WARS2: variants seen among roughly 807,000 people sequenced by gnomAD.
WARS2 encodes tryptophanyl tRNA synthetase 2, mitochondrial.
WARS2 carries 28 observed loss-of-function variants against 36.5 expected under a neutral mutation model. The ratio of observed to expected loss-of-function variants is 0.77; its 90% CI spans 0.57 to 1.05. The LOEUF (loss-of-function observed/expected upper bound fraction) is 1.05, where lower values mean the gene tolerates loss of function less well. WARS2 is among the 50% of genes least tolerant of loss of function. WARS2 has a pLI of 0.00. For missense variants in WARS2, 435 were observed against 456.8 expected (o/e 0.95, Z 0.44); for synonymous variants, 174 against 178.4 (o/e 0.98, Z 0.20).
intron 1 of WARS2, among the ~76,000 whole-genome samples, chr1:119,121,589 AGACTAG>A (rs1427454162): frequency 6.6e-6 from 1 of 152,188 alleles, no homozygotes; most frequent in Non-Finnish European, 1.5e-5. Flanking sequence ...AGCCAAAGCA[AGACTAG>A]GCAAAAAGAA....
intron 1 of WARS2, chr1:119,127,109 G>C: frequency 1.4e-6 from 1 of 734,454 alleles, no homozygotes; most frequent in East Asian, 2.5e-5. Flanking sequence ...AACCCTCAAA[G>C]CCATCAGATG....
intron 1 of WARS2, among the ~76,000 whole-genome samples, chr1:119,133,147 CAT>C (rs775153218): frequency 2.6e-5 from 4 of 152,262 alleles, no homozygotes; most frequent in African/African-American, 7.2e-5. Flanking sequence ...CCTTGGGACT[CAT>C]GTGTTAAAAG....
chr1:119,100,086 C>T (rs766972821), intron 1 of WARS2, among the ~76,000 whole-genome samples: 3 of 152,124 alleles, frequency 2.0e-5, no homozygotes, highest in African/African-American at 4.8e-5. Flanking sequence ...ATACAAGGAA[C>T]TCAGCTCAAC....
chr1:119,126,966 C>T lies in WARS2; in HGVS notation c.90+13589G>A. 6 of 734,410 alleles carry T rather than the reference C, an allele frequency of 8.2e-6. No individual in the cohort carries two copies. In the South Asian group the frequency reaches 8.4e-5, roughly 10 times the overall value. 45.5% of individuals were successfully genotyped at this position (734,410 alleles called of 1,614,324 possible). ...TCTGCCATTTTTTGATCATGGAACA[C>T]ATTTTGTCATGGGTAAGATCCATGC... is the stretch of plus-strand genomic sequence containing the variant. On this transcript the variant is annotated intron_variant, in intron 1 of 5. Coordinates refer to ENST00000235521, the MANE Select transcript of WARS2 (RefSeq NM_015836.4).
intron 4 of WARS2, among the ~76,000 whole-genome samples, chr1:119,035,943 C>A (rs188885382): frequency 1.3e-5 from 2 of 152,176 alleles, no homozygotes; most frequent in African/African-American, 4.8e-5. Context: ...CATTGGCTCA[C>A]GCTTGTAATG....
At chr1:119,128,163 C>T (rs188317389) in intron 1 of WARS2, among the ~76,000 whole-genome samples, 2 of 152,178 alleles carry the variant, frequency 1.3e-5, no homozygotes, top group East Asian at 1.9e-4. Context: ...CAACCTCCGC[C>T]TCCTGGGTTC....
chr1:119,135,162 T>G (rs1044801895), intron 1 of WARS2, among the ~76,000 whole-genome samples: 19 of 152,236 alleles, frequency 1.2e-4, no homozygotes, highest in African/African-American at 4.3e-4. Flanking sequence ...ACGGTGCAGC[T>G]CCTTAAAAAT....
intron 1 of WARS2, among the ~76,000 whole-genome samples, chr1:119,095,432 C>CT (rs1050769679): frequency 2.6e-5 from 4 of 151,376 alleles, no homozygotes; most frequent in East Asian, 1.9e-4. Context: ...CAAAAGACTT[C>CT]TTTTTTTTTG....
chr1:119,033,825 T>C (rs1647652581), intron 5 of WARS2, among the ~76,000 whole-genome samples: 1 of 152,240 alleles, frequency 6.6e-6, no homozygotes, highest in Admixed American at 6.5e-5. Flanking sequence ...TATACTACTT[T>C]ATAAATATTA....
intron 2 of WARS2, among the ~76,000 whole-genome samples, chr1:119,066,331 A>G (rs1190616697): frequency 6.6e-6 from 1 of 151,952 alleles, no homozygotes; most frequent in African/African-American, 2.4e-5. Context: ...ACAAAAAATT[A>G]GCCGGGTGTG....
Position 119,031,952 on chromosome 1 carries a change from C to T in WARS2, c.*959G>A, listed in dbSNP as rs567319446. 5.9e-5 allele frequency: 9 copies of T among 152,854 alleles called. No homozygotes were observed. Among genetic ancestry groups the T allele is most frequent in the Admixed American group, 1.3e-4 (2 of 15,310 alleles). 9.5% of individuals were successfully genotyped at this position (152,854 alleles called of 1,614,324 possible). ...GAATTGATGATATAAAAAACATCAT[C>T]AGTCGTTCCAACACCCACCTTCAAA... On this transcript the variant is annotated 3_prime_UTR_variant, in exon 6 of 6. Coordinates refer to ENST00000235521, the MANE Select transcript of WARS2 (RefSeq NM_015836.4).
At chr1:119,104,861 G>A (rs1654124993) in intron 1 of WARS2, among the ~76,000 whole-genome samples, 1 of 152,000 alleles carries the variant, frequency 6.6e-6, no homozygotes. Flanking sequence ...CAGGAAATGA[G>A]GTTGGAAAAG....
chr1:119,139,363 T>C (rs1656766451), intron 1 of WARS2, among the ~76,000 whole-genome samples: 1 of 152,198 alleles, frequency 6.6e-6, no homozygotes, highest in Admixed American at 6.5e-5. Flanking sequence ...ATGACATGAC[T>C]AGAAAAATAA....
rs75695872 is a variant in WARS2 at position 119,105,181 on chromosome 1, G to A, written c.91-28574C>T. Among the ~76,000 whole-genome samples, 325 of 152,288 alleles carry A rather than the reference G, an allele frequency of 2.1e-3. 10 individuals carry two copies. In the East Asian group the frequency reaches 0.056, roughly 26 times the overall value. On this transcript the variant is annotated intron_variant, in intron 1 of 5. Coordinates refer to ENST00000235521, the MANE Select transcript of WARS2 (RefSeq NM_015836.4). ...AATAAGACTTGCTGGTGAAATGGGT[G>A]TGGGGCTGAGGAAAAGGGTGGTACC...
intron 1 of WARS2, among the ~76,000 whole-genome samples, chr1:119,100,525 G>A (rs1653779464): frequency 6.6e-6 from 1 of 152,220 alleles, no homozygotes; most frequent in Non-Finnish European, 1.5e-5. Flanking sequence ...CAATAGCAAA[G>A]CTATGGAATC....
At chr1:119,097,575 C>T (rs192772330) in intron 1 of WARS2, among the ~76,000 whole-genome samples, 20 of 152,336 alleles carry the variant, frequency 1.3e-4, no homozygotes, top group African/African-American at 4.8e-4. Flanking sequence ...GTGGAGCACT[C>T]TCCAAATCCC....
chr1:119,089,743 A>T (rs1464599897), intron 1 of WARS2, among the ~76,000 whole-genome samples: 1 of 152,220 alleles, frequency 6.6e-6, no homozygotes, highest in African/African-American at 2.4e-5. Context: ...CTGATCATTT[A>T]ATTACAAAAG....
chr1:119,050,048 A>AT (rs1207937439), intron 2 of WARS2, among the ~76,000 whole-genome samples: 1 of 152,200 alleles, frequency 6.6e-6, no homozygotes, highest in Non-Finnish European at 1.5e-5. Context: ...CAGAGTCCTC[A>AT]TAACAGCCTG....
chr1:119,050,852 G>A (rs1231487490), intron 2 of WARS2, among the ~76,000 whole-genome samples: 1 of 152,136 alleles, frequency 6.6e-6, no homozygotes, highest in Non-Finnish European at 1.5e-5. Context: ...CCTGGGAATA[G>A]AGGAAAGAGA....
Sources: allele counts gnomAD v4.1 joint callset (sites outside exome capture counted in the v4.1 genomes callset), GRCh38; gene constraint gnomAD v4.1.1; transcripts MANE v1.5; gene names NCBI Gene and HGNC (gene_info 2026-07-23, HGNC 2026-07-21).